FYN: variants seen among roughly 807,000 people sequenced by gnomAD.
FYN encodes tyrosine-protein kinase Fyn.
Under a neutral mutation model 70.2 loss-of-function variants are expected in FYN, and 10 were observed. That is an observed-to-expected ratio of 0.14 (90% CI 0.09 to 0.24). FYN has a LOEUF of 0.24. Among genes scored for constraint, FYN ranks in the 10% least tolerant of loss-of-function variants. The pLI is 1.00. For missense variants in FYN, 319 were observed against 673.1 expected (o/e 0.47, Z 5.82); for synonymous variants, 236 against 248.6 (o/e 0.95, Z 0.48).
chr6:111,709,354 C>CAGAG (rs1370084068), intron 5 of FYN, among the ~76,000 whole-genome samples: 1 of 152,118 alleles, frequency 6.6e-6, no homozygotes, highest in African/African-American at 2.4e-5. Context: ...CTCCAGAGGC[C>CAGAG]GCTCTCTAAA....
At chr6:111,711,030 C>T (rs12209141) in intron 5 of FYN, among the ~76,000 whole-genome samples, 1,851 of 152,202 alleles carry the variant, frequency 0.012, 22 homozygotes, top group Non-Finnish European at 0.017. Context: ...TAAAGACTTG[C>T]TAAAAGATTC....
At chr6:111,799,750 T>C (rs1771924265) in intron 2 of FYN, among the ~76,000 whole-genome samples, 1 of 152,188 alleles carries the variant, frequency 6.6e-6, no homozygotes, top group Non-Finnish European at 1.5e-5. Context: ...TTCAGGTGAA[T>C]GGACATCTCC....
intron 9 of FYN, chr6:111,696,692 T>A (rs1436572622): frequency 5.2e-6 from 2 of 388,062 alleles, no homozygotes; most frequent in Non-Finnish European, 9.1e-6. Context: ...CATTAAAATT[T>A]TTTTAAATTT....
rs1773491255 is a variant in FYN, at chr6:111,845,225, AG to A, written c.-82+1363del. Among the ~76,000 whole-genome samples, 4 of 152,366 alleles carry A rather than the reference AG, an allele frequency of 2.6e-5. No individual in the cohort carries two copies. The South Asian group carries it at 8.3e-4, about 32-fold the overall frequency. On this transcript the variant is annotated intron_variant, in intron 2 of 13. Transcript: ENST00000354650. ...GGCTCCAAGGCACAATACTGCCCTG[AG>A]GGGGCTCCTGGCACCCATAGGCTCT...
At chr6:111,825,154 C>T (rs1431496892) in intron 2 of FYN, among the ~76,000 whole-genome samples, 3 of 152,314 alleles carry the variant, frequency 2.0e-5, no homozygotes, top group African/African-American at 7.2e-5. Flanking sequence ...GAGGCCTGGA[C>T]AGCTCTCCAT....
At chr6:111,692,421 C>T (rs1026661114) in intron 12 of FYN, among the ~76,000 whole-genome samples, 2 of 149,618 alleles carry the variant, frequency 1.3e-5, no homozygotes, top group Non-Finnish European at 2.9e-5. Context: ...CTGGGACCCG[C>T]TCAGGGCAGC....
chr6:111,805,941 G>A (rs1003695758), intron 2 of FYN, among the ~76,000 whole-genome samples: 7 of 152,146 alleles, frequency 4.6e-5, no homozygotes, highest in Admixed American at 1.3e-4. Context: ...GCGTGTTTCT[G>A]CTTTTCCTAG....
At chr6:111,708,104 T>G in intron 5 of FYN, 84 bp from the exon 6 acceptor site, 1 of 977,688 alleles carries the variant, frequency 1.0e-6, no homozygotes, top group Non-Finnish European at 1.6e-6. Context: ...AGTGTATAAC[T>G]GTCACCTAAT....
chr6:111,721,508 C>T (rs1030638259), intron 3 of FYN, among the ~76,000 whole-genome samples: 2 of 152,034 alleles, frequency 1.3e-5, no homozygotes, highest in Admixed American at 1.3e-4. Flanking sequence ...TGGCTCACTA[C>T]AACCTCTGCC....
At chr6:111,787,231 T>C (rs1771426968) in intron 2 of FYN, among the ~76,000 whole-genome samples, 1 of 152,228 alleles carries the variant, frequency 6.6e-6, no homozygotes, top group Non-Finnish European at 1.5e-5. Context: ...TCATCTTGAA[T>C]TAATTTTTCT....
At chr6:111,699,387 G>A in intron 9 of FYN, 1 of 961,972 alleles carries the variant, frequency 1.0e-6, no homozygotes, top group Non-Finnish European at 1.6e-6. Flanking sequence ...AATCTGGATG[G>A]CCTGTGCCCG....
At chr6:111,783,244 T>C (rs887933171) in intron 2 of FYN, among the ~76,000 whole-genome samples, 13 of 152,198 alleles carry the variant, frequency 8.5e-5, no homozygotes, top group African/African-American at 3.1e-4. Flanking sequence ...ACCATTTGCT[T>C]TGGCAGAAAT....
In FYN at chr6:111,696,374, C is replaced by T. The variant is rs55715042; in HGVS notation, c.945G>A (p.Ala315=). ...TMSPESFLEE[A]QIMKKLKHDK... ...CGTGCTTCAGCTTCTTCATGATCTGCGCTTCCTCAAGGAATGATTCGGGGG... is the reference window on the plus strand; with the variant it reads ...CGTGCTTCAGCTTCTTCATGATCTGTGCTTCCTCAAGGAATGATTCGGGGG... Residue 315 remains alanine (A), a synonymous_variant, in exon 10 of 14, where the codon GCG becomes GCA. Coordinates refer to ENST00000354650, the MANE Select transcript of FYN (RefSeq NM_002037.5). The T allele has an allele frequency of 8.7e-6, 14 of 1,613,608 alleles. No homozygotes were observed. Among genetic ancestry groups the T allele is most frequent in the Non-Finnish European group, 1.1e-5 (13 of 1,179,860 alleles).
At chr6:111,761,903 A>G (rs781760052) in intron 3 of FYN, among the ~76,000 whole-genome samples, 1 of 152,164 alleles carries the variant, frequency 6.6e-6, no homozygotes, top group East Asian at 1.9e-4. Context: ...CATCATTCCC[A>G]ATGCTGAGAC....
chr6:111,779,121 AT>A (rs397934539), intron 3 of FYN, among the ~76,000 whole-genome samples: 1,083 of 91,520 alleles, frequency 0.012, 13 homozygotes, highest in African/African-American at 0.038. Flanking sequence ...AGTAGGAGAC[AT>A]TTTTTTTTTT....
intron 4 of FYN, among the ~76,000 whole-genome samples, chr6:111,716,821 GTCGC>G (rs1800669732): frequency 7.7e-6 from 1 of 130,574 alleles, no homozygotes; most frequent in African/African-American, 2.8e-5. Context: ...TTTCACTCTT[GTCGC>G]CCAGGCTGGA....
chr6:111,719,868 T>G lies in FYN; in HGVS notation c.184A>C (p.Thr62Pro). Residue 62 changes from threonine (T) to proline (P), a missense_variant, in exon 4 of 14, where the codon ACC (threonine) becomes CCC (proline). Transcript: ENST00000354650. ...NFHAAGGQGL[T>P]VFGGVNSSSH... ...GAAGAGTTCACACCTCCAAAGACGG[T>G]GAGTCCTTGGCCCCCGGCTGCGTGG... 1.2e-6 allele frequency: 2 copies of G among 1,614,060 alleles called. No individual in the cohort carries two copies. The highest frequency in any genetic ancestry group is 1.7e-6 in the Non-Finnish European group (2 of 1,179,980).
intron 2 of FYN, among the ~76,000 whole-genome samples, chr6:111,820,504 A>T (rs1273904669): frequency 6.6e-6 from 1 of 152,182 alleles, no homozygotes; most frequent in Non-Finnish European, 1.5e-5. Context: ...GATTAACTGT[A>T]CCTTATAAAA....
At chr6:111,678,252 T>C (rs1798635795) in intron 12 of FYN, among the ~76,000 whole-genome samples, 1 of 151,996 alleles carries the variant, frequency 6.6e-6, no homozygotes, top group South Asian at 2.1e-4. Context: ...AACCTCGACT[T>C]GTCATTGTGA....
Sources: allele counts gnomAD v4.1 joint callset (sites outside exome capture counted in the v4.1 genomes callset), GRCh38; gene constraint gnomAD v4.1.1; transcripts MANE v1.5; gene names NCBI Gene and HGNC (gene_info 2026-07-23, HGNC 2026-07-21).